The following UGGT1 variants were observed in gnomAD, a reference collection of about 807,000 sequenced individuals.
UGGT1 encodes UDP-glucose glycoprotein glucosyltransferase 1.
Under a neutral mutation model 203.9 loss-of-function variants are expected in UGGT1, and 107 were observed. The ratio of observed to expected loss-of-function variants is 0.52; its 90% confidence interval spans 0.45 to 0.62. The LOEUF (loss-of-function observed/expected upper bound fraction) is 0.62. Ranked by LOEUF, UGGT1 falls within the 20% of genes least tolerant of loss-of-function variation. UGGT1 has a pLI of 0.00. For missense variants in UGGT1, 1,673 were observed against 1,867.2 expected, an observed-to-expected ratio of 0.90 and a Z score of 1.92; for synonymous variants, 628 against 653.5, an observed-to-expected ratio of 0.96 and a Z score of 0.59.
chr2:128,189,119 T>G (rs924344195), intron 40 of UGGT1, among the ~76,000 whole-genome samples: 1 of 152,176 alleles, frequency 6.6e-6, no homozygotes, highest in South Asian at 2.1e-4. Flanking sequence ...TGCCATTTGT[T>G]TGGGAGGCGG....
chr2:128,137,303 C>T (rs1362880174), intron 15 of UGGT1, among the ~76,000 whole-genome samples: 1 of 152,184 alleles, frequency 6.6e-6, no homozygotes, highest in Non-Finnish European at 1.5e-5. Flanking sequence ...CCTGTAGTCC[C>T]AGCTACTTGG....
intron 37 of UGGT1, among the ~76,000 whole-genome samples, chr2:128,182,909 C>CTTTT (rs372722115): frequency 7.0e-5 from 8 of 114,238 alleles, no homozygotes; most frequent in South Asian, 2.8e-4. Flanking sequence ...TGTAACTTGG[C>CTTTT]TTTTTTTTTT....
At chr2:128,111,673 T>A (rs1687857259) in intron 5 of UGGT1, among the ~76,000 whole-genome samples, 1 of 151,904 alleles carries the variant, frequency 6.6e-6, no homozygotes, top group Admixed American at 6.6e-5. Flanking sequence ...TTTTTTGTAT[T>A]TTTAGTAGAG....
At chr2:128,182,527 C>T (rs1179141837) in intron 37 of UGGT1, among the ~76,000 whole-genome samples, 3 of 151,966 alleles carry the variant, frequency 2.0e-5, no homozygotes, top group Non-Finnish European at 2.9e-5. Context: ...GGCGAAACCC[C>T]GTCTCTACTA....
intron 40 of UGGT1, among the ~76,000 whole-genome samples, chr2:128,188,324 G>A (rs560477729): frequency 2.0e-5 from 3 of 152,084 alleles, no homozygotes; most frequent in Admixed American, 1.3e-4. Flanking sequence ...GATTACAGAC[G>A]TGAGGCACTG....
rs180686080 is a variant in UGGT1 at position 128,170,825 on chromosome 2, C to T, written c.3025-380C>T. 2.8e-3 allele frequency among the ~76,000 whole-genome samples: 423 copies of T among 152,252 alleles called. 3 individuals are homozygous for T. Among genetic ancestry groups the T allele is most frequent in the African/African-American group, 9.7e-3 (403 of 41,546 alleles). ...TTAAAAGACCTTTGACAAAGACAGT[C>T]GCTCCAACATTCATTGCCGAATAAA... is the stretch of plus-strand genomic sequence containing the variant. On this transcript the variant is annotated intron_variant, in intron 27 of 40. Transcript: ENST00000259253.
intron 40 of UGGT1, among the ~76,000 whole-genome samples, chr2:128,189,110 G>A (rs977232535): frequency 1.4e-4 from 21 of 152,180 alleles, no homozygotes; most frequent in Non-Finnish European, 2.8e-4. Flanking sequence ...TAGTGATAAT[G>A]CCATTTGTTT....
At chr2:128,129,271 C>A (rs1688762976) in intron 13 of UGGT1, 92 bp downstream of exon 13, 3 of 1,384,784 alleles carry the variant, frequency 2.2e-6, no homozygotes, top group South Asian at 3.0e-5. Context: ...GAAGTTACTC[C>A]CACCATCTCT....
chr2:128,107,935 C>T lies in UGGT1; in HGVS notation c.278-3C>T. On this transcript the variant is annotated splice_polypyrimidine_tract_variant and splice_region_variant and intron_variant, in intron 3 of 40. Transcript: ENST00000259253. Reference sequence around the variant, plus strand: ...TACTTTGGTTAATGTTCTTCCTTGACAGGTACCGATTATTCCTACTATCAT... The same window carrying T: ...TACTTTGGTTAATGTTCTTCCTTGATAGGTACCGATTATTCCTACTATCAT... The T allele has an allele frequency of 6.2e-7, 1 of 1,614,098 alleles. No individual in the cohort carries two copies. Among genetic ancestry groups the T allele is most frequent in the Non-Finnish European group, 8.5e-7 (1 of 1,179,978 alleles).
chr2:128,150,100 A>G (rs1442838093), intron 18 of UGGT1, among the ~76,000 whole-genome samples: 1 of 152,240 alleles, frequency 6.6e-6, no homozygotes, highest in African/African-American at 2.4e-5. Context: ...TTGTCTTGAA[A>G]AATACCAAGT....
chr2:128,170,550 GC>G (rs1691043210), intron 27 of UGGT1, among the ~76,000 whole-genome samples, 160 bp downstream of exon 27: 1 of 152,174 alleles, frequency 6.6e-6, no homozygotes. Context: ...ATTGACAGTG[GC>G]TGTGAAACAG....
At chr2:128,102,572 C>G (rs947975095) in intron 2 of UGGT1, among the ~76,000 whole-genome samples, 5 of 152,022 alleles carry the variant, frequency 3.3e-5, no homozygotes, top group Non-Finnish European at 2.9e-5. Flanking sequence ...TTATTCTCTC[C>G]TCTGGGTTGT....
rs777647585 is a variant in UGGT1 at position 128,172,732 on chromosome 2, A to G, written c.3264A>G (p.Pro1088=). 1.5e-5 allele frequency: 24 copies of G among 1,614,122 alleles called. No homozygotes were observed. In the South Asian group the frequency reaches 2.4e-4, roughly 16 times the overall value. Residue 1088 remains proline, a synonymous_variant, in exon 29 of 41, where the codon CCA becomes CCG. Transcript: ENST00000259253. ...ESWMVESVRT[P]YDLDNIYLEE... ...GGATGGTAGAATCTGTCAGAACACC[A>G]TATGATCTTGATAATATTTATTTAG...
At chr2:128,113,709 G>GATAT in intron 6 of UGGT1, among the ~76,000 whole-genome samples, 1 of 3,106 alleles carries the variant, frequency 3.2e-4, no homozygotes, top group African/African-American at 3.8e-4. Flanking sequence ...GGCCGGGCGC[G>GATAT]GTGGCTCACG....
chr2:128,091,517 A>T (rs1399110611), intron 1 of UGGT1, 102 bp downstream of exon 1: 6 of 1,490,236 alleles, frequency 4.0e-6, no homozygotes, highest in Admixed American at 2.2e-5. Flanking sequence ...CTCTACCGTG[A>T]CTCAGTTTAC....
chr2:128,183,407 C>T (rs57001933), intron 37 of UGGT1, among the ~76,000 whole-genome samples: 190 of 152,286 alleles, frequency 1.2e-3, no homozygotes, highest in African/African-American at 4.1e-3. Context: ...TTGTTACTGC[C>T]GCATATGCTA....
In UGGT1 at chr2:128,109,657, A is replaced by G; in HGVS notation, c.432A>G (p.Pro144=). The G allele has an allele frequency of 6.2e-7, 1 of 1,614,186 alleles. No homozygotes were observed. Among genetic ancestry groups the G allele is most frequent in the Non-Finnish European group, 8.5e-7 (1 of 1,180,006 alleles). ...AGATAGCAGCTGATGAACCTCCACC[A>G]GAAGGATGTAATTCGTTTTTTTCAG... ...FQQIAADEPP[P]EGCNSFFSVH... is the part of the protein sequence containing the mutation. Residue 144 remains proline, a synonymous_variant, in exon 5 of 41, where the codon CCA becomes CCG. Coordinates refer to ENST00000259253, the MANE Select transcript of UGGT1 (RefSeq NM_020120.4).
intron 38 of UGGT1, among the ~76,000 whole-genome samples, chr2:128,186,256 A>C (rs1253194484): frequency 6.6e-6 from 1 of 152,170 alleles, no homozygotes; most frequent in African/African-American, 2.4e-5. Flanking sequence ...AACATTTGTG[A>C]TTGGCATGTG....
chr2:128,118,514 C>G (rs1688234105), intron 8 of UGGT1, among the ~76,000 whole-genome samples: 5 of 152,188 alleles, frequency 3.3e-5, no homozygotes, highest in Admixed American at 2.6e-4. Context: ...ATTGTCCTGC[C>G]TTGGCTTCCC....
Sources: gnomAD v4.1 joint callset for allele counts (sites outside exome capture counted in the v4.1 genomes callset) on GRCh38, gnomAD v4.1.1 for gene constraint, MANE v1.5 for transcripts, NCBI Gene and HGNC (gene_info 2026-07-23, HGNC 2026-07-21) for gene names.